Variants in ROBO1 observed in about 807,000 individuals in gnomAD.
ROBO1 encodes the protein roundabout guidance receptor 1.
A neutral mutation model predicts 195.9 loss-of-function variants in ROBO1; 149 were observed. That is an observed-to-expected ratio of 0.76 (90% CI 0.67 to 0.87). ROBO1 has a LOEUF of 0.87. Among genes scored for constraint, ROBO1 ranks in the 40% least tolerant of loss-of-function variants. ROBO1 has a pLI of 0.00. For synonymous variants in ROBO1, 816 were observed against 733.2 expected (o/e 1.11, Z -1.82); for missense variants, 1,933 against 2,068.3 (o/e 0.93, Z 1.27).
intron 4 of ROBO1, among the ~76,000 whole-genome samples, chr3:78,934,214 T>C (rs1470931460): frequency 1.3e-5 from 2 of 151,972 alleles, no homozygotes; most frequent in East Asian, 3.9e-4. Context: ...ATTATAACCA[T>C]GTGCTAGTAA....
At chr3:79,716,860 A>G (rs1019943026) in intron 1 of ROBO1, among the ~76,000 whole-genome samples, 9 of 152,162 alleles carry the variant, frequency 5.9e-5, no homozygotes, top group African/African-American at 2.2e-4. Flanking sequence ...CATTTTGTTG[A>G]TAAGGGTGAA....
At chr3:78,960,801 C>A (rs904968901) in intron 3 of ROBO1, among the ~76,000 whole-genome samples, 33 of 150,640 alleles carry the variant, frequency 2.2e-4, no homozygotes, top group African/African-American at 5.6e-4. Flanking sequence ...CACACACACA[C>A]ACACACACAC....
At chr3:79,243,219 A>C (rs1046612327) in intron 2 of ROBO1, among the ~76,000 whole-genome samples, 3 of 151,892 alleles carry the variant, frequency 2.0e-5, no homozygotes, top group African/African-American at 4.8e-5. Flanking sequence ...ACATTTTCTT[A>C]ATCCAGTCTA....
chr3:78,640,329 C>T (rs1051286624), intron 21 of ROBO1, among the ~76,000 whole-genome samples: 4 of 152,086 alleles, frequency 2.6e-5, no homozygotes, highest in Non-Finnish European at 5.9e-5. Context: ...TGAAACAAGC[C>T]TCTTTACTCA....
intron 3 of ROBO1, among the ~76,000 whole-genome samples, chr3:78,983,097 T>C (rs2077034723): frequency 2.0e-5 from 3 of 152,076 alleles, no homozygotes; most frequent in South Asian, 4.1e-4. Context: ...TTAAAAGAGA[T>C]GGGGTATCAC....
chr3:79,642,655 A>G (rs981591212), intron 1 of ROBO1, among the ~76,000 whole-genome samples: 12 of 152,320 alleles, frequency 7.9e-5, no homozygotes, highest in African/African-American at 2.6e-4. Context: ...AAAATACTGT[A>G]TCCAACAAAT....
chr3:78,716,063 C>T (rs780085808), intron 7 of ROBO1, among the ~76,000 whole-genome samples: 12 of 152,128 alleles, frequency 7.9e-5, no homozygotes, highest in Admixed American at 3.9e-4. Context: ...GTTGTGATAA[C>T]CCATTTCCTG....
At chr3:79,581,114 GTTTTGT>G (rs370914748) in intron 2 of ROBO1, among the ~76,000 whole-genome samples, 5 of 151,998 alleles carry the variant, frequency 3.3e-5, no homozygotes, top group South Asian at 2.1e-4. Context: ...TCTGGAAATA[GTTTTGT>G]TTTTGTTTTT....
chr3:79,666,517 G>C (rs1285059651), intron 1 of ROBO1, among the ~76,000 whole-genome samples: 7 of 151,884 alleles, frequency 4.6e-5, no homozygotes, highest in African/African-American at 1.7e-4. Flanking sequence ...GGACCCAGTG[G>C]AGATGATTGA....
At chr3:78,867,129 C>T (rs1450917230) in intron 4 of ROBO1, among the ~76,000 whole-genome samples, 4 of 152,164 alleles carry the variant, frequency 2.6e-5, no homozygotes, top group East Asian at 1.9e-4. Context: ...TAAGGAAATT[C>T]GTTGCCCTTA....
chr3:78,651,804 A>C lies in ROBO1; in HGVS notation c.2740T>G (p.Phe914Val), dbSNP rs888844758. 3 of 1,613,682 alleles carry C rather than the reference A, an allele frequency of 1.9e-6. No homozygotes were observed. Among genetic ancestry groups the C allele is most frequent in the Non-Finnish European group, 2.5e-6 (3 of 1,179,692 alleles). ...CGGTGTCGATAAAGCCAGATGCTGA[A>C]GACCATGAGGATGATCCAACAGGCT... The part of the protein sequence containing the change: ...GAACWIILMV[F>V]SIWLYRHRKK... The change falls in exon 19 of 31, where the codon TTC (phenylalanine) becomes GTC (valine). Residue 914 changes from phenylalanine to valine, a missense_variant. By Grantham distance (50) the Phe-to-Val change is conservative. Transcript: ENST00000464233.
chr3:79,642,802 C>T (rs1023089055), intron 1 of ROBO1, among the ~76,000 whole-genome samples: 2 of 151,908 alleles, frequency 1.3e-5, no homozygotes, highest in African/African-American at 2.4e-5. Context: ...ACTAATATGC[C>T]GAAAGAAAAC....
intron 2 of ROBO1, among the ~76,000 whole-genome samples, chr3:79,163,104 T>A (rs2081001972): frequency 6.6e-6 from 1 of 152,052 alleles, no homozygotes; most frequent in Non-Finnish European, 1.5e-5. Flanking sequence ...GCCACCATCA[T>A]GATCATCCAA....
intron 1 of ROBO1, among the ~76,000 whole-genome samples, chr3:79,623,410 G>A (rs1469939613): frequency 2.0e-5 from 3 of 152,200 alleles, no homozygotes; most frequent in Non-Finnish European, 2.9e-5. Context: ...GGAGCTAAAG[G>A]ATCATGTTCT....
intron 1 of ROBO1, among the ~76,000 whole-genome samples, chr3:79,710,256 T>C (rs1299586893): frequency 6.6e-6 from 1 of 152,108 alleles, no homozygotes. Context: ...TGAAGCTACA[T>C]GTACACTATC....
intron 2 of ROBO1, among the ~76,000 whole-genome samples, chr3:79,453,575 G>A (rs994381100): frequency 1.3e-5 from 2 of 152,046 alleles, no homozygotes; most frequent in African/African-American, 4.8e-5. Flanking sequence ...GCAGTCACAA[G>A]GTAGAGAGCC....
intron 1 of ROBO1, among the ~76,000 whole-genome samples, chr3:79,744,368 A>G (rs1703780551): frequency 6.6e-6 from 1 of 152,090 alleles, no homozygotes; most frequent in Middle Eastern, 3.2e-3. Flanking sequence ...TAAGAAATAA[A>G]CCCTATTGCA....
chr3:79,167,340 C>T (rs2081085782), intron 2 of ROBO1, among the ~76,000 whole-genome samples: 1 of 152,058 alleles, frequency 6.6e-6, no homozygotes, highest in Admixed American at 6.6e-5. Flanking sequence ...GCAATTTCTT[C>T]CTTAGCAAGA....
At chr3:79,137,091 C>T (rs116020876) in intron 2 of ROBO1, among the ~76,000 whole-genome samples, 1,526 of 152,118 alleles carry the variant, frequency 0.01, 19 homozygotes, top group African/African-American at 0.033. Context: ...TGTTTCTTTA[C>T]GTTTCTTTCA....
Sources: allele counts gnomAD v4.1 joint callset (sites outside exome capture counted in the v4.1 genomes callset), GRCh38; gene constraint gnomAD v4.1.1; transcripts MANE v1.5; gene names NCBI Gene and HGNC (gene_info 2026-07-23, HGNC 2026-07-21).